The following NRG3 variants were observed in gnomAD, a reference collection of about 807,000 sequenced individuals.
The protein encoded by NRG3 is pro-neuregulin-3, membrane-bound isoform.
NRG3 carries 31 observed loss-of-function variants against 66.9 expected under a neutral mutation model. That is an observed-to-expected ratio of 0.46 (90% CI 0.35 to 0.63). The LOEUF is 0.63. NRG3 is among the 20% of genes least tolerant of loss of function. NRG3 has a pLI of 0.00. For missense variants in NRG3, 910 were observed against 878.9 expected, an observed-to-expected ratio of 1.04 and a Z score of -0.45; for synonymous variants, 393 against 359.4, an observed-to-expected ratio of 1.09 and a Z score of -1.06.
chr10:81,938,887 CTG>C (rs1848153971), intron 1 of NRG3, among the ~76,000 whole-genome samples: 1 of 151,890 alleles, frequency 6.6e-6, no homozygotes, highest in East Asian at 1.9e-4. Context: ...ATAATGTTAA[CTG>C]TGAAATTTTC....
intron 2 of NRG3, among the ~76,000 whole-genome samples, chr10:82,737,884 G>A (rs2058231621): frequency 2.6e-5 from 4 of 152,110 alleles, no homozygotes; most frequent in Non-Finnish European, 4.4e-5. Context: ...AATTGTGCCC[G>A]CCTCAGGACA....
intron 1 of NRG3, among the ~76,000 whole-genome samples, chr10:82,345,399 C>A (rs947985497): frequency 6.6e-6 from 1 of 151,674 alleles, no homozygotes; most frequent in South Asian, 2.1e-4. Flanking sequence ...TTTCTGAGGG[C>A]TCTGTTCTGT....
chr10:82,427,732 A>G (rs1752142620), intron 2 of NRG3, among the ~76,000 whole-genome samples: 1 of 152,102 alleles, frequency 6.6e-6, no homozygotes, highest in Non-Finnish European at 1.5e-5. Context: ...CTTTGAGTCA[A>G]TAAGTGATTC....
chr10:82,190,602 G>A lies in NRG3; in HGVS notation c.824-168137G>A, dbSNP rs1176489330. On this transcript the variant is annotated intron_variant, in intron 1 of 8. Coordinates refer to ENST00000372141, the MANE Select transcript of NRG3 (RefSeq NM_001010848.4). ...AGAGATGAAAAATTGGGAGATAGTG[G>A]TTTCACTGTTCACAGACAAGCTTTC... Among the ~76,000 whole-genome samples the A allele has an allele frequency of 2.6e-5, 4 of 152,256 alleles. No homozygotes were observed. The East Asian group carries it at 5.8e-4, about 22-fold the overall frequency.
chr10:82,097,530 A>G (rs559088840), intron 1 of NRG3, among the ~76,000 whole-genome samples: 5 of 148,504 alleles, frequency 3.4e-5, no homozygotes, highest in Admixed American at 2.7e-4. Context: ...TATATCTGTG[A>G]TATATATATA....
chr10:82,777,544 T>C (rs1007154823), intron 3 of NRG3, among the ~76,000 whole-genome samples: 1 of 152,140 alleles, frequency 6.6e-6, no homozygotes, highest in Non-Finnish European at 1.5e-5. Context: ...GGGTGGTGAC[T>C]CTTAGGCACT....
At position 81,937,955 on chromosome 10, in the gene NRG3, A is replaced by G. The variant is rs565703860; in HGVS notation, c.823+61792A>G. On this transcript the variant is annotated intron_variant, in intron 1 of 8. Coordinates refer to ENST00000372141, the MANE Select transcript of NRG3 (RefSeq NM_001010848.4). ...CTAGAGTCCAACTTTGTTCTTTTCCATGTGGGTATCCAGTTTTCCTGATAC... is the reference window on the plus strand; with the variant it reads ...CTAGAGTCCAACTTTGTTCTTTTCCGTGTGGGTATCCAGTTTTCCTGATAC... Among the ~76,000 whole-genome samples, 12 of 152,024 alleles carry G rather than the reference A, an allele frequency of 7.9e-5. No homozygotes were observed. The South Asian group carries it at 2.5e-3, about 32-fold the overall frequency.
intron 2 of NRG3, among the ~76,000 whole-genome samples, chr10:82,396,781 T>G (rs2086741355): frequency 6.6e-6 from 1 of 152,102 alleles, no homozygotes; most frequent in Non-Finnish European, 1.5e-5. Context: ...CTGACCATAT[T>G]TATTTGTCCC....
At chr10:82,738,671 C>T (rs761860497) in intron 3 of NRG3, 21 bp downstream of exon 3, 25 of 1,597,776 alleles carry the variant, frequency 1.6e-5, no homozygotes, top group Middle Eastern at 1.7e-4. Flanking sequence ...CATTTTTCTT[C>T]TCTCTAATGC....
At chr10:82,093,951 C>T (rs185546770) in intron 1 of NRG3, among the ~76,000 whole-genome samples, 6 of 152,094 alleles carry the variant, frequency 3.9e-5, no homozygotes, top group African/African-American at 7.2e-5. Context: ...ATGTCCAAAA[C>T]GCCAAATATT....
At chr10:82,648,084 C>G (rs1565163831) in intron 2 of NRG3, among the ~76,000 whole-genome samples, 1 of 150,498 alleles carries the variant, frequency 6.6e-6, no homozygotes, top group Non-Finnish European at 1.5e-5. Context: ...TTGCCCATGC[C>G]TATGTCCTGA....
intron 1 of NRG3, among the ~76,000 whole-genome samples, chr10:81,920,117 G>A (rs1846111829): frequency 6.9e-6 from 1 of 145,520 alleles, no homozygotes; most frequent in Admixed American, 6.7e-5. Context: ...GGCCTGAGGT[G>A]TAAGGATGAC....
At chr10:82,801,617 T>C (rs1255967918) in intron 3 of NRG3, among the ~76,000 whole-genome samples, 2 of 152,154 alleles carry the variant, frequency 1.3e-5, no homozygotes, top group South Asian at 4.1e-4. Context: ...TTCAGCTGCC[T>C]TTTGCCAGGC....
rs577235776 is a variant in NRG3, at chr10:82,003,006, T to C, written c.823+126843T>C. ...AATGGTAAGGGGTGTTGAGGAGGGG[T>C]GCTGATGTGTCTGGACAAGTAAAAA... is the stretch of plus-strand genomic sequence containing the variant. On this transcript the variant is annotated intron_variant, in intron 1 of 8. Transcript: ENST00000372141. 1.7e-4 allele frequency among the ~76,000 whole-genome samples: 26 copies of C among 152,162 alleles called. No homozygotes were observed. The South Asian group carries it at 2.1e-3, about 12-fold the overall frequency.
chr10:82,306,015 T>A (rs887218278), intron 1 of NRG3, among the ~76,000 whole-genome samples: 3 of 152,248 alleles, frequency 2.0e-5, no homozygotes, highest in Non-Finnish European at 4.4e-5. Context: ...CTAGTATCCA[T>A]CTGTTACTGT....
intron 5 of NRG3, among the ~76,000 whole-genome samples, chr10:82,956,600 T>C (rs1273499020): frequency 6.6e-6 from 1 of 151,982 alleles, no homozygotes; most frequent in Admixed American, 6.5e-5. Flanking sequence ...AATTCCCTTA[T>C]AAGTTTATAC....
chr10:82,602,014 T>A (rs1356389003), intron 2 of NRG3, among the ~76,000 whole-genome samples: 3 of 151,140 alleles, frequency 2.0e-5, no homozygotes, highest in Non-Finnish European at 4.4e-5. Flanking sequence ...ATCCAGGAGT[T>A]GGAAGCTGCA....
intron 1 of NRG3, among the ~76,000 whole-genome samples, chr10:82,138,082 T>C (rs569296970): frequency 7.9e-5 from 12 of 152,310 alleles, no homozygotes; most frequent in East Asian, 5.8e-4. Context: ...GCTGAAGATA[T>C]ACAGTTTTCT....
chr10:81,934,608 A>G (rs1454045413), intron 1 of NRG3, among the ~76,000 whole-genome samples: 4 of 152,210 alleles, frequency 2.6e-5, no homozygotes, highest in Non-Finnish European at 5.9e-5. Context: ...TTCTTTAGAT[A>G]TATGTGGCCT....
Sources: allele counts gnomAD v4.1 joint callset (sites outside exome capture counted in the v4.1 genomes callset), GRCh38; gene constraint gnomAD v4.1.1; transcripts MANE v1.5; gene names NCBI Gene and HGNC (gene_info 2026-07-23, HGNC 2026-07-21).